ACBD4: variants seen among roughly 807,000 people sequenced by gnomAD.
ACBD4 encodes the protein acyl-CoA binding domain containing 4, also known as acyl-CoA-binding domain-containing protein 4.
In ACBD4, 41 loss-of-function variants were observed where a neutral mutation model predicts 46.0. The ratio of observed to expected loss-of-function variants is 0.89; its 90% confidence interval spans 0.69 to 1.16. The LOEUF (loss-of-function observed/expected upper bound fraction) is 1.16, where lower values mean the gene tolerates loss of function less well. Among genes scored for constraint, ACBD4 ranks in the 50% most tolerant of loss-of-function variants. The pLI is 0.00. For missense variants in ACBD4, 393 were observed against 399.5 expected (o/e 0.98, Z 0.14); for synonymous variants, 162 against 155.9 (o/e 1.04, Z -0.29).
chr17:45,136,198 T>C lies in ACBD4; in HGVS notation c.54T>C (p.Ala18=). ...CCGACTGCCAGAAACAGTTCCAGGC[T>C]GCAGTGAGCGTCATCCAGAACCTGC... ...PEPDCQKQFQ[A]AVSVIQNLPK... Residue 18 remains alanine (A), a synonymous_variant, in exon 2 of 10, where the codon GCT becomes GCC. Transcript: ENST00000321854. 6.2e-7 allele frequency: 1 copy of C among 1,613,420 alleles called. No homozygotes were observed. Among genetic ancestry groups the C allele is most frequent in the Non-Finnish European group, 8.5e-7 (1 of 1,179,786 alleles).
upstream of ACBD4, chr17:45,132,401 C>T (rs990783212): frequency 4.0e-5 from 49 of 1,221,900 alleles, no homozygotes; most frequent in Non-Finnish European, 4.8e-5. The surrounding 1 kb of genome is among the most constrained non-coding windows in gnomAD (Gnocchi z 4.6). Flanking sequence ...CTCCAGCGGC[C>T]GCACAGCATG....
upstream of ACBD4, chr17:45,132,186 C>T: frequency 8.1e-7 from 1 of 1,231,860 alleles, no homozygotes; most frequent in Non-Finnish European, 1.0e-6. This position sits in a 1 kb window ranked among gnomAD's most constrained non-coding sequence, Gnocchi z 4.6. Flanking sequence ...CCCTGGAGCG[C>T]CCCAGACTGG....
chr17:45,136,382 A>G (rs2054833135), intron 2 of ACBD4, 118 bp from the exon 3 acceptor site: 1 of 1,461,308 alleles, frequency 6.8e-7, no homozygotes, highest in African/African-American at 1.4e-5. Context: ...ATCCTAGTCC[A>G]GATGCCCTGG....
chr17:45,136,524 A>G lies in ACBD4; in HGVS notation c.113A>G (p.Glu38Gly), dbSNP rs781716222. 1 of 1,613,552 alleles carries G rather than the reference A, an allele frequency of 6.2e-7. No individual in the cohort carries two copies. The highest frequency in any genetic ancestry group is 8.5e-7 in the Non-Finnish European group (1 of 1,179,846). Reference sequence around the variant, plus strand: ...GGTTCTTACCGCCCCTCCTATGAAGAGATGCTGCGATTCTACAGTTACTAC... The same window carrying G: ...GGTTCTTACCGCCCCTCCTATGAAGGGATGCTGCGATTCTACAGTTACTAC... ...KNGSYRPSYE[E>G]MLRFYSYYKQ... The change falls in exon 3 of 10, where the codon GAG becomes GGG. Residue 38 changes from glutamate to glycine, a missense_variant. Glu to Gly is a moderately conservative substitution (Grantham distance 98). This residue lies in a region of ACBD4 where 61 missense variants were observed against 50.3 expected (regional missense o/e 1.21). Transcript: ENST00000321854.
rs2054865412 is a variant in ACBD4, at chr17:45,136,723, AG to A, written c.244del (p.Glu82ArgfsTer11). ...CTGGAACAGTCTGGGCAAGATGAGC[AG>A]GGAGGAGGCCATGTCTGCCTACATC... ...DAWNSLGKMS[R>X]EEAMSAYITE... On this transcript the variant is annotated frameshift_variant, in exon 4 of 10. Coordinates refer to ENST00000321854, the MANE Select transcript of ACBD4 (RefSeq NM_001135705.3). LOFTEE classifies it high-confidence loss of function. The A allele has an allele frequency of 1.2e-6, 2 of 1,613,988 alleles. No individual in the cohort carries two copies. Among genetic ancestry groups the A allele is most frequent in the Non-Finnish European group, 1.7e-6 (2 of 1,180,020 alleles).
chr17:45,132,714 G>T, upstream of ACBD4: 1 of 191,686 alleles, frequency 5.2e-6, no homozygotes. The surrounding 1 kb of genome is among the most constrained non-coding windows in gnomAD (Gnocchi z 4.6). Context: ...TGGCCGCAAG[G>T]GTGACTAGAG....
At position 45,137,256 on chromosome 17, in the gene ACBD4, C is replaced by T. The variant is rs966332918; in HGVS notation, c.416-112C>T. 9.4e-6 allele frequency: 15 copies of T among 1,597,074 alleles called. No individual in the cohort carries two copies. In the Admixed American group the frequency reaches 2.4e-4, roughly 25 times the overall value. ...CATCCCTGTTAGGGCCCCCAAGCCC[C>T]CGAGAGGTGGATCCCAGGCAGCATC... On this transcript the variant is annotated intron_variant, in intron 5 of 9. Transcript: ENST00000321854.
intron 9 of ACBD4, chr17:45,142,561 T>G: frequency 3.9e-6 from 1 of 259,692 alleles, no homozygotes; most frequent in Non-Finnish European, 7.7e-6. Flanking sequence ...ATTCTTTTTT[T>G]TTTTTTTTTT....
chr17:45,132,430 G>A (rs1042475993), upstream of ACBD4: 3 of 1,196,994 alleles, frequency 2.5e-6, no homozygotes, highest in Non-Finnish European at 3.1e-6. The surrounding 1 kb of genome is among the most constrained non-coding windows in gnomAD (Gnocchi z 4.6). Flanking sequence ...GGGGGCCGGG[G>A]CCGGGCCCGG....
Position 45,143,886 on chromosome 17 carries a change from C to T in ACBD4, c.*315C>T, listed in dbSNP as rs1176468222. ...TCTCAGCCCCTGCCTTCCCCAGTCT[C>T]TGGGTCACCCGAATTTTCCCACCCC... On this transcript the variant is annotated 3_prime_UTR_variant, in exon 10 of 10. Transcript: ENST00000321854. The T allele has an allele frequency of 1.5e-5, 6 of 391,626 alleles. No homozygotes were observed. The East Asian group carries it at 2.7e-4, about 18-fold the overall frequency. 24.3% of individuals were successfully genotyped at this position (391,626 alleles called of 1,614,324 possible). A position where few individuals can be genotyped will look rare whatever the true frequency, so the allele number is the denominator to read the frequency against.
At chr17:45,136,940 T>C in intron 4 of ACBD4, 79 bp from the exon 5 acceptor site, 1 of 1,604,406 alleles carries the variant, frequency 6.2e-7, no homozygotes. Flanking sequence ...GGGCACAGGG[T>C]GGAGGTGTGT....
rs1182092416 is a variant in ACBD4, at chr17:45,139,179, T to C, written c.789+19T>C. ...TGAGCAGGTAGAGTCCCCCACCCCATAGGACAAGATGATGGCAGAATCCGG... is the reference window on the plus strand; with the variant it reads ...TGAGCAGGTAGAGTCCCCCACCCCACAGGACAAGATGATGGCAGAATCCGG... On this transcript the variant is annotated intron_variant, in intron 9 of 9. Coordinates refer to ENST00000321854, the MANE Select transcript of ACBD4 (RefSeq NM_001135705.3). 1 of 1,611,826 alleles carries C rather than the reference T, an allele frequency of 6.2e-7. No homozygotes were observed. Among genetic ancestry groups the C allele is most frequent in the Non-Finnish European group, 8.5e-7 (1 of 1,178,938 alleles).
intron 9 of ACBD4, among the ~76,000 whole-genome samples, chr17:45,141,809 C>T (rs2055289498): frequency 6.6e-6 from 1 of 152,258 alleles, no homozygotes; most frequent in South Asian, 2.1e-4. Context: ...GGGGTCTGAT[C>T]CCACCATTGT....
upstream of ACBD4, chr17:45,132,483 CG>C: frequency 3.1e-6 from 3 of 971,840 alleles, no homozygotes; most frequent in Non-Finnish European, 3.9e-6. The surrounding 1 kb of genome is among the most constrained non-coding windows in gnomAD (Gnocchi z 4.6). Flanking sequence ...CGCTCTGGCC[CG>C]GCCCCGGCTC....
In ACBD4 at chr17:45,136,597, GGACCCCATTGGACGATATAA is replaced by G; in HGVS notation, c.188_207del (p.Asp63ValfsTer22). The G allele has an allele frequency of 6.2e-7, 1 of 1,613,900 alleles. No individual in the cohort carries two copies. The highest frequency in any genetic ancestry group is 8.5e-7 in the Non-Finnish European group (1 of 1,179,946). The stretch of plus-strand genomic sequence containing the variant: ...GCCTGGTCCCCCGGCCCGGGTTCTG[GGACCCCATTGGACGATATAA>G]GTGGTGAGCTCCCTGCTGGCTGGGC... On this transcript the variant is annotated frameshift_variant, in exon 3 of 10. Transcript: ENST00000321854. LOFTEE classifies it high-confidence loss of function.
rs544001889 is a variant in ACBD4 at position 45,139,242 on chromosome 17, T to C, written c.789+82T>C. 1.7e-5 allele frequency: 25 copies of C among 1,458,146 alleles called. No homozygotes were observed. The African/African-American group carries it at 2.2e-4, about 13-fold the overall frequency. The allele number at this position is 1,458,146 out of a possible 1,614,324, so 90.3% of individuals were successfully genotyped here. A position where few individuals can be genotyped will look rare whatever the true frequency, so the allele number is the denominator to read the frequency against. ...GCTCCTCTTCCAGCCACTTTTGTTT[T>C]TGTCCTCACGCCTCCACCTGCCCAC... On this transcript the variant is annotated intron_variant, in intron 9 of 9. Transcript: ENST00000321854.
chr17:45,133,322 T>A (rs1369222314), upstream of ACBD4: 1 of 152,200 alleles, frequency 6.6e-6, no homozygotes. Context: ...CTGCGGCCGG[T>A]GGCCTGGGTC....
At position 45,137,037 on chromosome 17, in the gene ACBD4, CT is replaced by C; in HGVS notation, c.314del (p.Leu105ArgfsTer18). The C allele has an allele frequency of 6.2e-7, 1 of 1,614,116 alleles. No homozygotes were observed. Among genetic ancestry groups the C allele is most frequent in the Non-Finnish European group, 8.5e-7 (1 of 1,180,004 alleles). On this transcript the variant is annotated frameshift_variant, in exon 5 of 10. Transcript: ENST00000321854. LOFTEE classifies it high-confidence loss of function. Reference sequence around the variant, plus strand: ...CCTACAGGTGATCGACACAGTGCCCCTGGGTGAGGTGGCAGAGGACATGTTT... The same window carrying C: ...CCTACAGGTGATCGACACAGTGCCCCGGGTGAGGTGGCAGAGGACATGTTT... ...VAQKVIDTVP[L>X]GEVAEDMFGY...
At chr17:45,131,800 G>A (rs969964465), upstream of ACBD4, among the ~76,000 whole-genome samples, 1 of 152,222 alleles carries the variant, frequency 6.6e-6, no homozygotes, top group African/African-American at 2.4e-5. Flanking sequence ...TGGGGCCGCG[G>A]CTTGGAGGGC....
Sources: gnomAD v4.1 joint callset for allele counts (sites outside exome capture counted in the v4.1 genomes callset) on GRCh38, gnomAD v4.1.1 for gene constraint, gnomAD v4.1.1 regional missense constraint, Gnocchi (gnomAD v3.1) non-coding constraint, MANE v1.5 for transcripts, NCBI Gene and HGNC (gene_info 2026-07-23, HGNC 2026-07-21) for gene names.